The following MARCHF8 variants were observed in gnomAD, a reference collection of about 807,000 sequenced individuals.
The protein encoded by MARCHF8 is E3 ubiquitin-protein ligase MARCHF8.
A neutral mutation model predicts 51.6 loss-of-function variants in MARCHF8; 40 were observed. That is an observed-to-expected ratio of 0.77 (90% CI 0.60 to 1.01). The LOEUF is 1.01. Among genes scored for constraint, MARCHF8 ranks in the 50% least tolerant of loss-of-function variants. The pLI is 0.00. For missense variants in MARCHF8, 685 were observed against 708.6 expected (o/e 0.97, Z 0.38); for synonymous variants, 263 against 280.3 (o/e 0.94, Z 0.62).
chr10:45,525,443 C>G (rs1564501762), intron 2 of MARCHF8, among the ~76,000 whole-genome samples: 1 of 152,124 alleles, frequency 6.6e-6, no homozygotes, highest in Admixed American at 6.6e-5. Flanking sequence ...GAGGACAGGG[C>G]AGAAAATTGA....
In MARCHF8 at chr10:45,458,549, A is replaced by C. The variant is rs746432339; in HGVS notation, c.1418-6T>G. 6.4e-7 allele frequency: 1 copy of C among 1,572,294 alleles called. No homozygotes were observed. The highest frequency in any genetic ancestry group is 2.3e-5 in the East Asian group (1 of 44,420). ...AAAGGGCCATTCTAGGATTCCTGGA[A>C]GGGAAAAACTCAGCCTATTAGATTT... On this transcript the variant is annotated splice_region_variant and splice_polypyrimidine_tract_variant and intron_variant, in intron 7 of 7. Coordinates refer to ENST00000453424, the MANE Select transcript of MARCHF8 (RefSeq NM_001282866.2).
chr10:45,571,266 A>G (rs2044425877), intron 1 of MARCHF8, among the ~76,000 whole-genome samples: 1 of 152,186 alleles, frequency 6.6e-6, no homozygotes, highest in Non-Finnish European at 1.5e-5. Context: ...GAATCACAAA[A>G]GAAGTGAAAA....
intron 3 of MARCHF8, among the ~76,000 whole-genome samples, chr10:45,468,402 C>T (rs1022366211): frequency 2.0e-5 from 3 of 152,222 alleles, no homozygotes; most frequent in Non-Finnish European, 4.4e-5. Flanking sequence ...AGGTTACTGC[C>T]CAGCCTCCTC....
chr10:45,589,345 G>T (rs543438553), intron 1 of MARCHF8, among the ~76,000 whole-genome samples: 7 of 152,120 alleles, frequency 4.6e-5, no homozygotes, highest in Non-Finnish European at 1.0e-4. Flanking sequence ...CTATAAGCAA[G>T]TCTCAGTCCC....
At chr10:45,465,262 A>G (rs978924728) in intron 3 of MARCHF8, among the ~76,000 whole-genome samples, 22 of 152,170 alleles carry the variant, frequency 1.4e-4, no homozygotes, top group Admixed American at 6.5e-4. Context: ...TAAGACAGTA[A>G]GCCTGAGTAA....
intron 1 of MARCHF8, among the ~76,000 whole-genome samples, chr10:45,591,302 CA>C (rs2044678016): frequency 6.6e-6 from 1 of 152,052 alleles, no homozygotes; most frequent in African/African-American, 2.4e-5. Flanking sequence ...CCTGTCTCTA[CA>C]AAAATACAAA....
chr10:45,501,884 A>ACT (rs1171983719), intron 2 of MARCHF8, among the ~76,000 whole-genome samples: 1 of 152,184 alleles, frequency 6.6e-6, no homozygotes, highest in African/African-American at 2.4e-5. Context: ...ACATGAGAAG[A>ACT]TGTTCAACAT....
chr10:45,499,221 A>G (rs1371571651), intron 2 of MARCHF8, among the ~76,000 whole-genome samples: 1 of 152,206 alleles, frequency 6.6e-6, no homozygotes, highest in East Asian at 1.9e-4. Flanking sequence ...CCATCTTTTC[A>G]TATGCCTACT....
rs1842595688 is a variant in MARCHF8, at chr10:45,456,070, GA to G, written c.*2168del. ...TATGTGAAGTGGGGATTCACACTTA[GA>G]AAATCTATCCTGGTCTTCACCTGAA... On this transcript the variant is annotated 3_prime_UTR_variant, in exon 8 of 8. Coordinates refer to ENST00000453424, the MANE Select transcript of MARCHF8 (RefSeq NM_001282866.2). 6.6e-6 allele frequency: 1 copy of G among 152,268 alleles called. No homozygotes were observed. The highest frequency in any genetic ancestry group is 2.1e-4 in the South Asian group (1 of 4,832). The allele number at this position is 152,268 out of a possible 1,614,324, so 9.4% of individuals were successfully genotyped here.
chr10:45,495,631 A>T (rs1011211108), intron 2 of MARCHF8, among the ~76,000 whole-genome samples: 4 of 151,948 alleles, frequency 2.6e-5, no homozygotes, highest in Admixed American at 1.3e-4. Context: ...TCAAGAGTAA[A>T]CGTACCATAA....
intron 1 of MARCHF8, among the ~76,000 whole-genome samples, chr10:45,568,781 A>T (rs2044395463): frequency 1.3e-5 from 2 of 151,640 alleles, no homozygotes; most frequent in African/African-American, 4.8e-5. Context: ...AAAAAATTGC[A>T]AAACAAGCCG....
At chr10:45,489,451 T>C in intron 2 of MARCHF8, 34 bp from the exon 3 acceptor site, 1 of 1,563,846 alleles carries the variant, frequency 6.4e-7, no homozygotes, top group Non-Finnish European at 8.8e-7. Flanking sequence ...TAATTATCAA[T>C]CTTTGATTAA....
At chr10:45,492,640 T>C (rs916403117) in intron 2 of MARCHF8, among the ~76,000 whole-genome samples, 4 of 152,202 alleles carry the variant, frequency 2.6e-5, no homozygotes, top group Admixed American at 6.5e-5. Context: ...ACTTAAAATA[T>C]ATAGTGCAGG....
At chr10:45,480,920 T>C (rs1249614863) in intron 3 of MARCHF8, among the ~76,000 whole-genome samples, 1 of 152,300 alleles carries the variant, frequency 6.6e-6, no homozygotes, top group South Asian at 2.1e-4. Context: ...ACTAACAGCT[T>C]GCACCATGCA....
chr10:45,576,772 TAAAAAAAA>T (rs79524510), intron 1 of MARCHF8, among the ~76,000 whole-genome samples: 2 of 112,432 alleles, frequency 1.8e-5, no homozygotes. Flanking sequence ...AAATAAAAAT[TAAAAAAAA>T]AAAAAAAAAA....
chr10:45,500,697 A>G (rs1303633443), intron 2 of MARCHF8, among the ~76,000 whole-genome samples: 1 of 152,104 alleles, frequency 6.6e-6, no homozygotes, highest in Non-Finnish European at 1.5e-5. Context: ...ACAAAATAAA[A>G]GGCATATATA....
chr10:45,549,385 T>A (rs1388211084), intron 1 of MARCHF8, among the ~76,000 whole-genome samples: 7 of 152,238 alleles, frequency 4.6e-5, no homozygotes, highest in Admixed American at 1.3e-4. Flanking sequence ...CTGCTGCCCT[T>A]ACCTGACTTA....
chr10:45,592,474 A>G (rs1206165314), intron 1 of MARCHF8, among the ~76,000 whole-genome samples: 2 of 152,220 alleles, frequency 1.3e-5, no homozygotes, highest in African/African-American at 4.8e-5. Flanking sequence ...CGGGGGGGAA[A>G]AAGCACATAC....
Position 45,478,871 on chromosome 10 carries a change from T to A in MARCHF8, c.153+10496A>T, listed in dbSNP as rs776443746. 5.3e-4 allele frequency among the ~76,000 whole-genome samples: 80 copies of A among 151,812 alleles called. 1 individual carries two copies. The highest frequency in any genetic ancestry group is 1.9e-4 in the Non-Finnish European group (13 of 67,904). Reference sequence around the variant, plus strand: ...ATGAGATTTAAAGAGTAATAAAAAGTCTCCTAACAACGAAAGGTCCAGGAT... The same window carrying A: ...ATGAGATTTAAAGAGTAATAAAAAGACTCCTAACAACGAAAGGTCCAGGAT... On this transcript the variant is annotated intron_variant, in intron 3 of 7. Coordinates refer to ENST00000453424, the MANE Select transcript of MARCHF8 (RefSeq NM_001282866.2).
Sources: gnomAD v4.1 joint callset for allele counts (sites outside exome capture counted in the v4.1 genomes callset) on GRCh38, gnomAD v4.1.1 for gene constraint, MANE v1.5 for transcripts, NCBI Gene and HGNC (gene_info 2026-07-23, HGNC 2026-07-21) for gene names.